The following OAS3 variants were observed in gnomAD, a reference collection of about 807,000 sequenced individuals.
OAS3 encodes 2'-5'-oligoadenylate synthase 3.
In OAS3, 107 loss-of-function variants were observed where a neutral mutation model predicts 113.0. The observed-to-expected ratio is 0.95, with a 90% confidence interval of 0.81 to 1.11. The LOEUF (loss-of-function observed/expected upper bound fraction) is 1.11. Ranked by LOEUF, OAS3 falls within the 50% of genes most tolerant of loss-of-function variation. The pLI, the probability that OAS3 is intolerant of heterozygous loss-of-function variation, is 0.00. For synonymous variants in OAS3, 552 were observed against 573.6 expected, an observed-to-expected ratio of 0.96 and a Z score of 0.54; for missense variants, 1,258 against 1,389.1, an observed-to-expected ratio of 0.91 and a Z score of 1.50.
chr12:112,955,767 T>C (rs996116057), intron 7 of OAS3, among the ~76,000 whole-genome samples: 2 of 152,216 alleles, frequency 1.3e-5, no homozygotes, highest in Non-Finnish European at 2.9e-5. Context: ...ATTGAGGATT[T>C]TCGCATAGAT....
Position 112,963,013 on chromosome 12 carries a change from A to G in OAS3, c.2084+111A>G, listed in dbSNP as rs1049001340. On this transcript the variant is annotated intron_variant, in intron 9 of 15. Transcript: ENST00000228928. This position sits in a 1 kb window ranked among gnomAD's most constrained non-coding sequence, Gnocchi z 4.6. ...AGGTAGGGTTTGGGGTGGCAATCCC[A>G]CTCCTCACTCTGCTTCCCTCTGGAC... The G allele has an allele frequency of 6.9e-7, 1 of 1,442,548 alleles. No homozygotes were observed. 89.4% of individuals were successfully genotyped at this position (1,442,548 alleles called of 1,614,324 possible).
In OAS3 at chr12:112,938,768, C is replaced by T. The variant is rs904590632; in HGVS notation, c.177+61C>T. 4.2e-5 allele frequency: 56 copies of T among 1,327,948 alleles called. No homozygotes were observed. In the African/African-American group the frequency reaches 8.0e-4, roughly 19 times the overall value. The allele number at this position is 1,327,948 out of a possible 1,614,324, so 82.3% of individuals were successfully genotyped here. A position where few individuals can be genotyped will look rare whatever the true frequency, so the allele number is the denominator to read the frequency against. Reference sequence around the variant, plus strand: ...GGGGAGTCCTGGGAGGACGCTTAAGCCTCACATAGGCTTACGGTGGGGGTG... The same window carrying T: ...GGGGAGTCCTGGGAGGACGCTTAAGTCTCACATAGGCTTACGGTGGGGGTG... On this transcript the variant is annotated intron_variant, in intron 1 of 15. Coordinates refer to ENST00000228928, the MANE Select transcript of OAS3 (RefSeq NM_006187.4).
At chr12:112,940,301 G>A (rs1053304503) in intron 1 of OAS3, among the ~76,000 whole-genome samples, 3 of 152,174 alleles carry the variant, frequency 2.0e-5, no homozygotes, top group African/African-American at 4.8e-5. Flanking sequence ...CATAATCATC[G>A]GGATAAGTAG....
At chr12:112,949,231 G>C (rs1407723545) in intron 6 of OAS3, 26 bp downstream of exon 6, 25 of 1,589,032 alleles carry the variant, frequency 1.6e-5, no homozygotes, top group Non-Finnish European at 2.1e-5. Context: ...GGAGACACAG[G>C]GGGGACCCTA....
chr12:112,968,574 C>T (rs572574968), intron 14 of OAS3, among the ~76,000 whole-genome samples: 3 of 152,304 alleles, frequency 2.0e-5, no homozygotes, highest in South Asian at 2.1e-4. Context: ...AGTGCAATGG[C>T]GCGATCTTGG....
intron 2 of OAS3, 141 bp from the exon 3 acceptor site, chr12:112,944,335 C>T (rs144802712): frequency 1.9e-5 from 16 of 825,878 alleles, no homozygotes; most frequent in East Asian, 7.9e-5. Flanking sequence ...CCCAGTCCCC[C>T]GACTCCCATG....
intron 12 of OAS3, among the ~76,000 whole-genome samples, chr12:112,966,546 A>AC (rs1417155255): frequency 3.3e-5 from 5 of 152,170 alleles, no homozygotes; most frequent in African/African-American, 1.2e-4. Context: ...TTCAACTCTC[A>AC]GTTTGATTAG....
chr12:112,948,163 A>T, intron 5 of OAS3, 64 bp downstream of exon 5: 1 of 1,428,148 alleles, frequency 7.0e-7, no homozygotes, highest in South Asian at 1.5e-5. Flanking sequence ...GTGTTTCCTG[A>T]GCATCTACTA....
Position 112,966,653 on chromosome 12 carries a change from T to C in OAS3, c.2689+624T>C, listed in dbSNP as rs372886200. Among the ~76,000 whole-genome samples the C allele has an allele frequency of 2.6e-5, 4 of 152,140 alleles. No homozygotes were observed. In the East Asian group the frequency reaches 7.7e-4, roughly 29 times the overall value. On this transcript the variant is annotated intron_variant, in intron 12 of 15. Transcript: ENST00000228928. ...AAGGGAGGGATTCATGCAGAATTTT[T>C]TTTTAAGAGACAGGGTCTTACTTTA...
Position 112,970,303 on chromosome 12 carries a change from C to T in OAS3, c.*330C>T, listed in dbSNP as rs564376193. 8 of 414,404 alleles carry T rather than the reference C, an allele frequency of 1.9e-5. No individual in the cohort carries two copies. The East Asian group carries it at 3.8e-4, about 20-fold the overall frequency. The allele number at this position is 414,404 out of a possible 1,614,324, so 25.7% of individuals were successfully genotyped here. ...CCCACCCAGCTGAGAATGCCCCCTC[C>T]TCCCTGACTCCTCTCTGCCCATGCA... On this transcript the variant is annotated 3_prime_UTR_variant, in exon 16 of 16. Transcript: ENST00000228928.
At chr12:112,967,111 C>T (rs1007468395) in intron 12 of OAS3, among the ~76,000 whole-genome samples, 1 of 152,162 alleles carries the variant, frequency 6.6e-6, no homozygotes, top group African/African-American at 2.4e-5. Flanking sequence ...CTCGGTTAGA[C>T]AGAAAGATAA....
chr12:112,964,388 A>G lies in OAS3; in HGVS notation c.2383A>G (p.Lys795Glu), dbSNP rs1277497799. Residue 795 changes from lysine (K) to glutamate (E), a missense_variant, in exon 11 of 16, where the codon AAA becomes GAA. Transcript: ENST00000228928. ...KENCFRNSPI[K>E]VIKVVKGGSS... is the part of the protein sequence containing the mutation. ...AAACTGCTTCCGGAATTCTCCCATC[A>G]AAGTGATCAAGGTGGTCAAGGTGAG... 1.2e-6 allele frequency: 2 copies of G among 1,612,144 alleles called. No individual in the cohort carries two copies. Among genetic ancestry groups the G allele is most frequent in the African/African-American group, 1.3e-5 (1 of 75,056 alleles).
rs1323978994 is a variant in OAS3 at position 112,944,607 on chromosome 12, A to T, written c.592A>T (p.Lys198Ter). The part of the protein sequence containing the change: ...RRNFVNIRPA[K>*]LKNLILLVKH... ...GAACTTTGTGAACATTCGCCCAGCC[A>T]AGTTGAAGAACCTAATCTTGCTGGT... Residue 198 changes from lysine (K) to a stop codon, truncating the protein, a stop_gained, in exon 3 of 16, where the codon AAG becomes TAG. Coordinates refer to ENST00000228928, the MANE Select transcript of OAS3 (RefSeq NM_006187.4). LOFTEE classifies it high-confidence loss of function. The T allele has an allele frequency of 6.2e-7, 1 of 1,614,080 alleles. No individual in the cohort carries two copies. The highest frequency in any genetic ancestry group is 8.5e-7 in the Non-Finnish European group (1 of 1,179,906).
chr12:112,965,806 C>A lies in OAS3; in HGVS notation c.2466C>A (p.Phe822Leu). ...RGRSDADLVV[F>L]LSCFSQFTEQ... ...GCTCAGATGCCGACCTCGTGGTGTT[C>A]CTCAGCTGCTTCAGCCAGTTCACTG... The change falls in exon 12 of 16, where the codon TTC becomes TTA. Residue 822 changes from phenylalanine (F) to leucine (L), a missense_variant. Phe to Leu is a conservative substitution (Grantham distance 22, BLOSUM62 0). Coordinates refer to ENST00000228928, the MANE Select transcript of OAS3 (RefSeq NM_006187.4). The A allele has an allele frequency of 6.2e-7, 1 of 1,613,784 alleles. No individual in the cohort carries two copies. Among genetic ancestry groups the A allele is most frequent in the Non-Finnish European group, 8.5e-7 (1 of 1,179,874 alleles).
chr12:112,963,523 C>T lies in OAS3; in HGVS notation c.2229+66C>T. On this transcript the variant is annotated intron_variant, in intron 10 of 15. Transcript: ENST00000228928. The surrounding 1 kb of genome is among the most constrained non-coding windows in gnomAD (Gnocchi z 4.6). Reference sequence around the variant, plus strand: ...TGCCTTCTAGTCAGGTTCCCTTAACCTGCCGGTGCACCCATCCCCAGCTGC... The same window carrying T: ...TGCCTTCTAGTCAGGTTCCCTTAACTTGCCGGTGCACCCATCCCCAGCTGC... The T allele has an allele frequency of 7.2e-7, 1 of 1,387,348 alleles. No individual in the cohort carries two copies. Among genetic ancestry groups the T allele is most frequent in the Admixed American group, 3.2e-5 (1 of 31,660 alleles). 85.9% of individuals were successfully genotyped at this position (1,387,348 alleles called of 1,614,324 possible). A position where few individuals can be genotyped will look rare whatever the true frequency, so the allele number is the denominator to read the frequency against.
At chr12:112,959,684 C>G (rs2043865302) in intron 7 of OAS3, among the ~76,000 whole-genome samples, 1 of 152,082 alleles carries the variant, frequency 6.6e-6, no homozygotes, top group Non-Finnish European at 1.5e-5. Flanking sequence ...CTTTTCATCT[C>G]TCTCATTGTT....
intron 6 of OAS3, among the ~76,000 whole-genome samples, chr12:112,950,184 C>T (rs2043775910): frequency 6.6e-6 from 1 of 152,130 alleles, no homozygotes; most frequent in Non-Finnish European, 1.5e-5. Flanking sequence ...ATTTTGTATC[C>T]TCTCTTCTTC....
chr12:112,956,749 T>A (rs897780157), intron 7 of OAS3, among the ~76,000 whole-genome samples: 10 of 152,332 alleles, frequency 6.6e-5, no homozygotes, highest in Non-Finnish European at 1.0e-4. Flanking sequence ...GGAGTGCTTT[T>A]CTTCCAACCA....
In OAS3 at chr12:112,962,682, G is replaced by A. The variant is rs769769028; in HGVS notation, c.1864G>A (p.Ala622Thr). ...GGCTCAGAACAAAGGAAAAGGACCA[G>A]CCCCTGCCTCTCTGCCCCCAGCCTA... Reference protein sequence around the residue: ...VAAQNKGKGPAPASLPPAYAL... With the variant: ...VAAQNKGKGPTPASLPPAYAL... Residue 622 changes from alanine to threonine, a missense_variant, in exon 9 of 16, where the codon GCC becomes ACC. Ala to Thr is a moderately conservative substitution (Grantham distance 58). Coordinates refer to ENST00000228928, the MANE Select transcript of OAS3 (RefSeq NM_006187.4). 22 of 1,613,992 alleles carry A rather than the reference G, an allele frequency of 1.4e-5. No individual in the cohort carries two copies. The South Asian group carries it at 2.4e-4, about 18-fold the overall frequency.
Sources: gnomAD v4.1 joint callset for allele counts (sites outside exome capture counted in the v4.1 genomes callset) on GRCh38, gnomAD v4.1.1 for gene constraint, Gnocchi (gnomAD v3.1) non-coding constraint, MANE v1.5 for transcripts, NCBI Gene and HGNC (gene_info 2026-07-23, HGNC 2026-07-21) for gene names.